Variants in ST3GAL5 observed in about 807,000 individuals in gnomAD.
ST3GAL5 encodes ST3 beta-galactoside alpha-2,3-sialyltransferase 5.
A neutral mutation model predicts 46.1 loss-of-function variants in ST3GAL5; 25 were observed. The observed-to-expected ratio is 0.54, with a 90% CI of 0.40 to 0.76. ST3GAL5 has a LOEUF of 0.76. ST3GAL5 is among the 30% of genes least tolerant of loss of function. The pLI is 0.00. For synonymous variants in ST3GAL5, 182 were observed against 192.7 expected, an observed-to-expected ratio of 0.94 and a Z score of 0.46; for missense variants, 431 against 521.2, an observed-to-expected ratio of 0.83 and a Z score of 1.69.
Position 85,859,849 on chromosome 2 carries a change from T to C in ST3GAL5, c.318+1332A>G, listed in dbSNP as rs1284678624. On this transcript the variant is annotated intron_variant, in intron 3 of 6. Transcript: ENST00000638572. ...ACTCAAAACAATCAAGTCACCTGCCTAGGGTTTCACCATTACTAAGTGGCA... is the reference window on the plus strand; with the variant it reads ...ACTCAAAACAATCAAGTCACCTGCCCAGGGTTTCACCATTACTAAGTGGCA... Among the ~76,000 whole-genome samples the C allele has an allele frequency of 3.3e-5, 5 of 152,202 alleles. No individual in the cohort carries two copies. In the East Asian group the frequency reaches 9.6e-4, roughly 29 times the overall value.
chr2:85,841,027 T>TAA (rs202006559), intron 6 of ST3GAL5, among the ~76,000 whole-genome samples: 26 of 134,042 alleles, frequency 1.9e-4, no homozygotes, highest in South Asian at 5.2e-4. Flanking sequence ...CCAGAATCAT[T>TAA]AAAAAAAAAA....
chr2:85,873,346 G>T (rs995755931), intron 1 of ST3GAL5, among the ~76,000 whole-genome samples: 1 of 152,144 alleles, frequency 6.6e-6, no homozygotes, highest in Admixed American at 6.5e-5. Flanking sequence ...GTCAAGTTGG[G>T]TTAGCAAGGT....
chr2:85,878,922 C>G (rs1484145403), intron 1 of ST3GAL5, among the ~76,000 whole-genome samples: 1 of 152,002 alleles, frequency 6.6e-6, no homozygotes, highest in African/African-American at 2.4e-5. Context: ...GGAGACAGGA[C>G]AGAGAGAGGA....
rs183869032 is a variant in ST3GAL5 at position 85,885,556 on chromosome 2, C to T, written c.82+3268G>A. Among the ~76,000 whole-genome samples, 24 of 152,190 alleles carry T rather than the reference C, an allele frequency of 1.6e-4. No homozygotes were observed. The East Asian group carries it at 3.7e-3, about 23-fold the overall frequency. ...TTCAAAACTGGAATAAGGTCGGGCG[C>T]GGTGGCTCACGCCTGTAATCCCAGC... On this transcript the variant is annotated intron_variant, in intron 1 of 6. Coordinates refer to ENST00000638572, the MANE Select transcript of ST3GAL5 (RefSeq NM_003896.4).
intron 1 of ST3GAL5, among the ~76,000 whole-genome samples, chr2:85,886,267 C>A (rs1687752280): frequency 6.6e-6 from 1 of 152,118 alleles, no homozygotes; most frequent in South Asian, 2.1e-4. Context: ...GCCGTCTCTA[C>A]AAAATAAAAT....
intron 3 of ST3GAL5, chr2:85,848,523 C>CT (rs1353973696): frequency 5.7e-6 from 4 of 705,856 alleles, no homozygotes; most frequent in East Asian, 5.3e-5. Context: ...TTCGGGGTGT[C>CT]TAAGACTTCA....
chr2:85,875,298 A>G (rs1473010090), intron 1 of ST3GAL5: 2 of 150,894 alleles, frequency 1.3e-5, no homozygotes, highest in African/African-American at 4.9e-5. Flanking sequence ...GGCCCCAAGC[A>G]ATCCTCCCAC....
chr2:85,847,488 G>C (rs918031851), intron 4 of ST3GAL5: 16 of 1,035,790 alleles, frequency 1.5e-5, no homozygotes, highest in Non-Finnish European at 1.9e-5. Context: ...TCCCTTGTGG[G>C]CAGGGACTGT....
chr2:85,861,380 T>G (rs987134412), intron 2 of ST3GAL5, 88 bp from the exon 3 acceptor site: 1 of 860,106 alleles, frequency 1.2e-6, no homozygotes, highest in Non-Finnish European at 2.0e-6. Context: ...CCTAAATGAG[T>G]CTGCCTGCTA....
At chr2:85,853,827 C>G (rs932780464) in intron 3 of ST3GAL5, 2 of 152,222 alleles carry the variant, frequency 1.3e-5, no homozygotes, top group Non-Finnish European at 2.9e-5. Context: ...ATGTGCAAAG[C>G]ATTCTGAGGC....
At chr2:85,849,327 G>A (rs1683196953) in intron 3 of ST3GAL5, 1 of 152,380 alleles carries the variant, frequency 6.6e-6, no homozygotes, top group Non-Finnish European at 1.5e-5. Context: ...GGTTGACACT[G>A]TAGTGAGCTG....
At chr2:85,858,257 A>T (rs938779782) in intron 3 of ST3GAL5, 1 of 152,214 alleles carries the variant, frequency 6.6e-6, no homozygotes, top group Non-Finnish European at 1.5e-5. Context: ...CCTGGAAGGG[A>T]TCAGAAAGGC....
chr2:85,866,016 AT>A (rs1286398996), intron 1 of ST3GAL5: 18 of 152,174 alleles, frequency 1.2e-4, no homozygotes, highest in Admixed American at 1.2e-3. Context: ...GTGCATTCGG[AT>A]TCTTGGGTTT....
chr2:85,870,228 T>C (rs575674373), intron 1 of ST3GAL5: 32 of 471,024 alleles, frequency 6.8e-5, no homozygotes, highest in South Asian at 5.0e-4. Context: ...AGCAGGGGTC[T>C]CTGCTTTGCA....
At chr2:85,879,424 T>C (rs12622987) in intron 1 of ST3GAL5, among the ~76,000 whole-genome samples, 25,361 of 152,112 alleles carry the variant, frequency 0.17, 2,757 homozygotes, top group South Asian at 0.34. Context: ...ATGGTGAAGG[T>C]AGGGGTGTCC....
intron 3 of ST3GAL5, 102 bp from the exon 4 acceptor site, chr2:85,848,306 G>GTGTTGATTA (rs1683067304): frequency 2.7e-5 from 44 of 1,610,216 alleles, no homozygotes; most frequent in Non-Finnish European, 3.6e-5. Flanking sequence ...TGTAGCTCCC[G>GTGTTGATTA]TGTTGATTAC....
At chr2:85,847,295 T>C (rs1029750882) in intron 4 of ST3GAL5, 2 of 885,144 alleles carry the variant, frequency 2.3e-6, no homozygotes, top group African/African-American at 1.8e-5. Flanking sequence ...TTCTTGCCCC[T>C]GTCTGGGAGT....
intron 3 of ST3GAL5, among the ~76,000 whole-genome samples, chr2:85,858,499 C>T (rs1451024386): frequency 1.3e-5 from 2 of 152,102 alleles, no homozygotes; most frequent in African/African-American, 2.4e-5. Flanking sequence ...TTAGTAGAGA[C>T]GGGGTTTCAC....
At chr2:85,860,249 G>A (rs552044687) in intron 3 of ST3GAL5, among the ~76,000 whole-genome samples, 2 of 152,256 alleles carry the variant, frequency 1.3e-5, no homozygotes, top group South Asian at 4.1e-4. Context: ...CGTGAACTTG[G>A]GTGAGCAGCT....
Sources: allele counts gnomAD v4.1 joint callset (sites outside exome capture counted in the v4.1 genomes callset), GRCh38; gene constraint gnomAD v4.1.1; transcripts MANE v1.5; gene names NCBI Gene and HGNC (gene_info 2026-07-23, HGNC 2026-07-21).